C11orf65: variants seen among roughly 807,000 people sequenced by gnomAD.
The protein encoded by C11orf65 is protein MFI.
C11orf65 carries 38 observed loss-of-function variants against 35.3 expected under a neutral mutation model. The ratio of observed to expected loss-of-function variants is 1.08; its 90% confidence interval spans 0.83 to 1.41. The LOEUF is 1.41. Among genes scored for constraint, C11orf65 ranks in the 40% most tolerant of loss-of-function variants. The pLI is 0.00. For missense variants in C11orf65, 370 were observed against 367.1 expected (o/e 1.01, Z -0.06); for synonymous variants, 105 against 114.4 (o/e 0.92, Z 0.53).
exon 4 of C11orf65, chr11:108,331,532 T>C (rs1416255638): frequency 6.2e-7 from 1 of 1,612,950 alleles, no homozygotes; most frequent in Non-Finnish European, 8.5e-7. Flanking sequence ...ATGGGAGGCC[T>C]AGGATTTCAT....
chr11:108,366,180 A>C (rs905767242), intron 2 of C11orf65: 8 of 194,954 alleles, frequency 4.1e-5, no homozygotes, highest in Non-Finnish European at 7.5e-5. Context: ...AAAACTTCTC[A>C]TTCTATTCTC....
chr11:108,329,238 G>A (rs786203394), downstream of C11orf65: 3 of 1,610,126 alleles, frequency 1.9e-6, no homozygotes, highest in South Asian at 3.3e-5. Context: ...CAGACAAACA[G>A]GTAACTAGGT....
At chr11:108,374,821 C>T (rs1388932569) in intron 2 of C11orf65, among the ~76,000 whole-genome samples, 2 of 152,124 alleles carry the variant, frequency 1.3e-5, no homozygotes, top group East Asian at 1.9e-4. Context: ...AGCCAAGGCT[C>T]GAAAACTACG....
In C11orf65 at chr11:108,316,043, G is replaced by T. The variant is rs753384717; in HGVS notation, c.641-6972C>A. The stretch of plus-strand genomic sequence containing the variant: ...ACATATGAACACGAAGCAATGTGGG[G>T]CAAAGCCCTAGTAACATATGACCTC... On this transcript the variant is annotated intron_variant, in intron 6 of 6. Coordinates refer to the C11orf65 transcript ENST00000525729. 2.5e-6 allele frequency: 4 copies of T among 1,614,116 alleles called. No homozygotes were observed. In the South Asian group the frequency reaches 3.3e-5, roughly 13 times the overall value.
intron 2 of C11orf65, among the ~76,000 whole-genome samples, chr11:108,440,285 T>C (rs1423095872): frequency 2.0e-5 from 3 of 152,186 alleles, no homozygotes; most frequent in South Asian, 2.1e-4. Context: ...AACTTAGTAG[T>C]GTAAAAACAA....
At chr11:108,423,224 C>T (rs772268464) in intron 3 of C11orf65, among the ~76,000 whole-genome samples, 4 of 152,218 alleles carry the variant, frequency 2.6e-5, no homozygotes, top group East Asian at 3.9e-4. Flanking sequence ...GGAATGCCAG[C>T]GAGACAGACC....
chr11:108,433,067 T>C (rs1250818152), intron 2 of C11orf65, among the ~76,000 whole-genome samples: 2 of 151,882 alleles, frequency 1.3e-5, no homozygotes, highest in Non-Finnish European at 2.9e-5. Flanking sequence ...CATATCAGGG[T>C]CTTCAGCTGA....
chr11:108,365,001 GTA>G (rs1007392308), intron 2 of C11orf65: 1 of 1,516,726 alleles, frequency 6.6e-7, no homozygotes, highest in Non-Finnish European at 9.0e-7. Context: ...TGGCTTATTT[GTA>G]TGATACTGGT....
chr11:108,373,705 G>A (rs1565619481), intron 2 of C11orf65, among the ~76,000 whole-genome samples: 1 of 152,248 alleles, frequency 6.6e-6, no homozygotes, highest in Non-Finnish European at 1.5e-5. Flanking sequence ...CCGTGCGCCA[G>A]CCGAAGCAGG....
intron 6 of C11orf65, chr11:108,326,373 A>C: frequency 8.5e-7 from 1 of 1,174,274 alleles, no homozygotes; most frequent in Non-Finnish European, 1.2e-6. Context: ...CTTGAAAATT[A>C]ATTTGTAAAT....
intron 2 of C11orf65, chr11:108,365,603 T>C: frequency 7.1e-7 from 1 of 1,414,944 alleles, no homozygotes; most frequent in Non-Finnish European, 9.6e-7. Context: ...TAGGGATTAA[T>C]ATTTAAGTGA....
chr11:108,330,271 G>C (rs756506590), downstream of C11orf65: 2 of 1,614,198 alleles, frequency 1.2e-6, no homozygotes, highest in South Asian at 2.2e-5. Flanking sequence ...TGCGTGCACT[G>C]AAAGAGGATC....
chr11:108,326,107 G>A lies in C11orf65; in HGVS notation c.641-17036C>T, dbSNP rs786203052. 1.9e-6 allele frequency: 3 copies of A among 1,614,150 alleles called. No homozygotes were observed. Among genetic ancestry groups the A allele is most frequent in the Non-Finnish European group, 2.5e-6 (3 of 1,180,004 alleles). On this transcript the variant is annotated intron_variant, in intron 6 of 6. Transcript: ENST00000525729. ...ATTAAACAGTACAATTCAGTTAGCTGTGGAGTCTCTGAGTGGCAGCTGGAA... is the reference window on the plus strand; with the variant it reads ...ATTAAACAGTACAATTCAGTTAGCTATGGAGTCTCTGAGTGGCAGCTGGAA...
At chr11:108,319,489 A>C (rs1170863209) in intron 6 of C11orf65, among the ~76,000 whole-genome samples, 1 of 152,124 alleles carries the variant, frequency 6.6e-6, no homozygotes, top group Non-Finnish European at 1.5e-5. Flanking sequence ...ATCTTCAGAG[A>C]GGCCTTTCTT....
intron 7 of C11orf65, among the ~76,000 whole-genome samples, chr11:108,388,341 T>C (rs1020767526): frequency 6.6e-6 from 1 of 152,190 alleles, no homozygotes; most frequent in African/African-American, 2.4e-5. Context: ...TTTACAGACA[T>C]AGAAGCAAGT....
At chr11:108,444,446 G>A (rs866586163) in intron 2 of C11orf65, among the ~76,000 whole-genome samples, 2 of 152,108 alleles carry the variant, frequency 1.3e-5, no homozygotes, top group African/African-American at 4.8e-5. Context: ...GAAAAAGAAG[G>A]AATCCTCCCT....
intron 6 of C11orf65, chr11:108,321,567 G>C: frequency 1.7e-6 from 2 of 1,205,508 alleles, no homozygotes; most frequent in Middle Eastern, 2.5e-4. Flanking sequence ...TGGATCACTT[G>C]AGGTCAGGAG....
downstream of C11orf65, chr11:108,329,352 G>T: frequency 1.0e-6 from 1 of 1,003,516 alleles, no homozygotes; most frequent in Non-Finnish European, 1.5e-6. Flanking sequence ...AGCTCTAAAG[G>T]TCGGCTTAAC....
intron 2 of C11orf65, among the ~76,000 whole-genome samples, chr11:108,362,715 C>T (rs1245527215): frequency 2.8e-5 from 4 of 143,806 alleles, no homozygotes; most frequent in South Asian, 2.3e-4. Flanking sequence ...AACCAAACAC[C>T]GCATATTCTC....
Sources: gnomAD v4.1 joint callset for allele counts (sites outside exome capture counted in the v4.1 genomes callset) on GRCh38, gnomAD v4.1.1 for gene constraint, MANE v1.5 for transcripts, NCBI Gene and HGNC (gene_info 2026-07-23, HGNC 2026-07-21) for gene names.